Variants in CEP290 observed in about 807,000 individuals in gnomAD.
CEP290 encodes the protein centrosomal protein of 290 kDa.
Under a neutral mutation model 344.9 loss-of-function variants are expected in CEP290, and 317 were observed. The observed-to-expected ratio is 0.92, with a 90% CI of 0.84 to 1.01. The LOEUF is 1.01. Ranked by LOEUF, CEP290 falls within the 50% of genes least tolerant of loss-of-function variation. The pLI is 0.00. For synonymous variants in CEP290, 932 were observed against 895.8 expected, an observed-to-expected ratio of 1.04 and a Z score of -0.72; for missense variants, 2,754 against 2,761.4, an observed-to-expected ratio of 1.00 and a Z score of 0.06.
intron 6 of CEP290, among the ~76,000 whole-genome samples, chr12:88,133,965 C>T (rs144259627): frequency 6.6e-6 from 1 of 152,178 alleles, no homozygotes; most frequent in Non-Finnish European, 1.5e-5. Flanking sequence ...CCTTGAAGCA[C>T]TCTTCCTATT....
intron 37 of CEP290, 30 bp from the exon 38 acceptor site, chr12:88,080,425 GTTT>G: frequency 1.3e-6 from 2 of 1,507,674 alleles, no homozygotes; most frequent in Non-Finnish European, 1.8e-6. Context: ...GTGTGTGTGT[GTTT>G]TTTAATTTTT....
intron 6 of CEP290, chr12:88,135,609 T>C (rs762820920): frequency 5.3e-5 from 8 of 152,306 alleles, no homozygotes; most frequent in Middle Eastern, 6.8e-3. Flanking sequence ...CTAACTTCTA[T>C]ATGATTCTTC....
At position 88,058,946 on chromosome 12, in the gene CEP290, T is replaced by C. The variant is rs751895513; in HGVS notation, c.6720A>G (p.Gln2240=). The change falls in exon 49 of 54, where the codon CAA becomes CAG. Residue 2240 remains glutamine, a synonymous_variant. Coordinates refer to ENST00000552810, the MANE Select transcript of CEP290 (RefSeq NM_025114.4). ...GCAATCTCTTACCAGTCTCTTCTAG[T>C]TGAACTGTCATCTTCTCATTTAATA... The part of the protein sequence containing the change: ...LEILNEKMTV[Q]LEETGKRLQF... 10 of 1,613,700 alleles carry C rather than the reference T, an allele frequency of 6.2e-6. No homozygotes were observed. The African/African-American group carries it at 6.7e-5, about 11-fold the overall frequency.
rs2137270029 is a variant in CEP290, at chr12:88,089,112, T to C, written c.3949A>G (p.Lys1317Glu). The C allele has an allele frequency of 4.4e-6, 7 of 1,573,984 alleles. No individual in the cohort carries two copies. The highest frequency in any genetic ancestry group is 6.0e-6 in the Non-Finnish European group (7 of 1,162,898). The change falls in exon 31 of 54, where the codon AAA (lysine) becomes GAA (glutamate). Residue 1317 changes from lysine (K) to glutamate (E), a missense_variant. Coordinates refer to ENST00000552810, the MANE Select transcript of CEP290 (RefSeq NM_025114.4). ...SQQEHRNMEN[K>E]TLEMELKLKG... ...AATTTTAATTCCATCTCCAATGTTT[T>C]GTTCTCCATATTTCTATGTTCTTGT...
chr12:88,114,673 C>A, intron 19 of CEP290, 111 bp from the exon 20 acceptor site: 2 of 929,000 alleles, frequency 2.2e-6, no homozygotes, highest in Non-Finnish European at 3.1e-6. Context: ...TGGAAAAATC[C>A]AAATGTAAAT....
chr12:88,059,629 G>A (rs535215640), intron 48 of CEP290, among the ~76,000 whole-genome samples: 2 of 152,090 alleles, frequency 1.3e-5, no homozygotes, highest in African/African-American at 2.4e-5. Flanking sequence ...GGATGGTCTC[G>A]ATCTCCTGAC....
Position 88,083,149 on chromosome 12 carries a change from C to T in CEP290, c.4894G>A (p.Glu1632Lys), listed in dbSNP as rs916470951. 2 of 1,555,032 alleles carry T rather than the reference C, an allele frequency of 1.3e-6. No individual in the cohort carries two copies. The highest frequency in any genetic ancestry group is 1.4e-5 in the African/African-American group (1 of 73,120). The stretch of plus-strand genomic sequence containing the variant: ...AGTGAGGAAAGAGAGTCATCTTGTT[C>T]TGCTACTGTCTGTTCCATCTCAGCC... ...RLAEMEQTVA[E>K]QDDSLSSLLV... The change falls in exon 37 of 54, where the codon GAA becomes AAA. Residue 1632 changes from glutamate (E) to lysine (K), a missense_variant. Transcript: ENST00000552810.
At chr12:88,131,305 C>A in intron 6 of CEP290, 87 bp from the exon 7 acceptor site, 1 of 1,009,216 alleles carries the variant, frequency 9.9e-7, no homozygotes, top group Non-Finnish European at 1.4e-6. Flanking sequence ...TCTTTGTCGC[C>A]TAGGCTGGAG....
intron 27 of CEP290, among the ~76,000 whole-genome samples, chr12:88,094,448 C>T (rs1157875788): frequency 6.6e-6 from 1 of 152,106 alleles, no homozygotes; most frequent in African/African-American, 2.4e-5. Context: ...TGGATAGATT[C>T]TACCAAATAT....
intron 11 of CEP290, 123 bp downstream of exon 11, chr12:88,128,821 CTT>C (rs1177059098): frequency 1.5e-5 from 8 of 538,366 alleles, no homozygotes; most frequent in Non-Finnish European, 2.1e-5. Context: ...ATAAAATAAA[CTT>C]ATGTTTAAAA....
At position 88,114,041 on chromosome 12, in the gene CEP290, T is replaced by G. The variant is rs527828816; in HGVS notation, c.2052+379A>C. The stretch of plus-strand genomic sequence containing the variant: ...GTGCAATTGCAGAGATCTATCATCT[T>G]TCTCATCTAGAAAACCACAGGATAC... On this transcript the variant is annotated intron_variant, in intron 20 of 53. Transcript: ENST00000552810. Among the ~76,000 whole-genome samples, 23 of 152,174 alleles carry G rather than the reference T, an allele frequency of 1.5e-4. No homozygotes were observed. In the South Asian group the frequency reaches 3.3e-3, roughly 22 times the overall value.
intron 9 of CEP290, 132 bp downstream of exon 9, chr12:88,130,136 C>T: frequency 9.9e-7 from 1 of 1,009,826 alleles, no homozygotes; most frequent in East Asian, 2.7e-5. Context: ...TAATTTATTT[C>T]ACATTTTACA....
At position 88,129,891 on chromosome 12, in the gene CEP290, GA is replaced by G; in HGVS notation, c.670-16del. ...TCTGTTAAAGTCTAAAAAAGTTAAA[GA>G]CACTATAATTAAAAAGTAATTTTAA... On this transcript the variant is annotated splice_polypyrimidine_tract_variant and intron_variant, in intron 9 of 53. Transcript: ENST00000552810. 7.3e-7 allele frequency: 1 copy of G among 1,369,730 alleles called. No homozygotes were observed. Among genetic ancestry groups the G allele is most frequent in the South Asian group, 1.5e-5 (1 of 66,032 alleles). The allele number at this position is 1,369,730 out of a possible 1,614,324, so 84.8% of individuals were successfully genotyped here.
chr12:88,057,727 T>G (rs755091510), intron 49 of CEP290: 1 of 152,196 alleles, frequency 6.6e-6, no homozygotes, highest in Admixed American at 6.5e-5. Flanking sequence ...TCCTTTAATA[T>G]GCCTGCTTAA....
chr12:88,076,623 T>TG (rs58657746), intron 41 of CEP290, among the ~76,000 whole-genome samples: 1 of 150,434 alleles, frequency 6.6e-6, no homozygotes, highest in Non-Finnish European at 1.5e-5. Context: ...TTTTTGGGGT[T>TG]ATTTCAATCA....
chr12:88,099,304 G>A (rs991882119), intron 26 of CEP290, among the ~76,000 whole-genome samples: 1 of 152,146 alleles, frequency 6.6e-6, no homozygotes, highest in African/African-American at 2.4e-5. Flanking sequence ...GAATGACTAG[G>A]AGAGAAACAG....
At chr12:88,093,718 C>T (rs913075407) in intron 28 of CEP290, 52 bp downstream of exon 28, 2 of 1,385,620 alleles carry the variant, frequency 1.4e-6, no homozygotes, top group Admixed American at 2.0e-5. Context: ...CAATGTCTAC[C>T]AAAACTAATT....
chr12:88,053,700 G>A lies in CEP290; in HGVS notation c.7081C>T (p.Gln2361Ter), dbSNP rs878896889. The change falls in exon 52 of 54, where the codon CAG becomes TAG. Residue 2361 changes from glutamine (Q) to a stop codon, truncating the protein, a stop_gained. Coordinates refer to ENST00000552810, the MANE Select transcript of CEP290 (RefSeq NM_025114.4). LOFTEE classifies it high-confidence loss of function. ...CTTTGGTCCTTGTTAGCTTCTATCT[G>A]ATGGATTAATTCTGCTTTCTCTTTA... ...LDKEKAELIH[Q>*]IEANKDQSGA... The A allele has an allele frequency of 6.4e-7, 1 of 1,553,784 alleles. No homozygotes were observed. Among genetic ancestry groups the A allele is most frequent in the South Asian group, 1.2e-5 (1 of 81,520 alleles).
chr12:88,120,006 G>GA (rs1160637030), intron 15 of CEP290, 108 bp downstream of exon 15: 1 of 591,502 alleles, frequency 1.7e-6, no homozygotes, highest in African/African-American at 2.0e-5. Flanking sequence ...AAAAGCATTT[G>GA]AAAAAAGCAT....
Sources: gnomAD v4.1 joint callset for allele counts (sites outside exome capture counted in the v4.1 genomes callset) on GRCh38, gnomAD v4.1.1 for gene constraint, MANE v1.5 for transcripts, NCBI Gene and HGNC (gene_info 2026-07-23, HGNC 2026-07-21) for gene names.